Variants in TP53BP1 observed in about 807,000 individuals in gnomAD.
TP53BP1 encodes TP53-binding protein 1.
Under a neutral mutation model 200.8 loss-of-function variants are expected in TP53BP1, and 61 were observed. The ratio of observed to expected loss-of-function variants is 0.30; its 90% CI spans 0.25 to 0.38. TP53BP1 has a LOEUF of 0.38. Among genes scored for constraint, TP53BP1 ranks in the 10% least tolerant of loss-of-function variants. The pLI is 1.00. For synonymous variants in TP53BP1, 822 were observed against 844.3 expected, an observed-to-expected ratio of 0.97 and a Z score of 0.46; for missense variants, 2,144 against 2,371.9, an observed-to-expected ratio of 0.90 and a Z score of 2.00.
At chr15:43,483,727 G>A (rs2079007213) in intron 4 of TP53BP1, among the ~76,000 whole-genome samples, 1 of 152,150 alleles carries the variant, frequency 6.6e-6, no homozygotes, top group Non-Finnish European at 1.5e-5. Flanking sequence ...AATGACTTTG[G>A]GAAACAGAGG....
At chr15:43,450,045 C>T (rs1270680651) in intron 12 of TP53BP1, among the ~76,000 whole-genome samples, 3 of 152,140 alleles carry the variant, frequency 2.0e-5, no homozygotes, top group African/African-American at 4.8e-5. Flanking sequence ...TTTAGCAATC[C>T]TACATTCTTT....
chr15:43,448,705 A>C (rs2046098613), intron 12 of TP53BP1, among the ~76,000 whole-genome samples: 1 of 151,978 alleles, frequency 6.6e-6, no homozygotes, highest in Admixed American at 6.6e-5. Context: ...ACGCCCAGCT[A>C]ATTTTTTGTA....
At chr15:43,493,263 C>T (rs2079155086), upstream of TP53BP1, 4 of 1,413,820 alleles carry the variant, frequency 2.8e-6, no homozygotes, top group East Asian at 1.0e-4. Context: ...GTGCCCTGCC[C>T]CACGTAAGAA....
rs781674371 is a variant in TP53BP1 at position 43,432,637 on chromosome 15, C to T, written c.3232G>A (p.Glu1078Lys). Residue 1078 changes from glutamate (E) to lysine (K), a missense_variant, in exon 17 of 28, where the codon GAG becomes AAG. Coordinates refer to ENST00000382044, the MANE Select transcript of TP53BP1 (RefSeq NM_001141980.3). ...TGGTCACCCTCCAATTTTTCTTTCT[C>T]CTCTTCTCCTTGAGAACTTGGAAAG... The part of the protein sequence containing the change: ...LHFPSSQGEE[E>K]KEKLEGDHTI... The T allele has an allele frequency of 1.9e-6, 3 of 1,609,574 alleles. No homozygotes were observed. Among genetic ancestry groups the T allele is most frequent in the Non-Finnish European group, 2.5e-6 (3 of 1,176,758 alleles).
chr15:43,428,902 A>T (rs2045611412), intron 17 of TP53BP1, among the ~76,000 whole-genome samples: 1 of 152,232 alleles, frequency 6.6e-6, no homozygotes, highest in South Asian at 2.1e-4. Context: ...TTCAAAAAAC[A>T]TTAAGCAAAT....
At chr15:43,473,137 A>C (rs2046768229) in intron 10 of TP53BP1, among the ~76,000 whole-genome samples, 1 of 152,128 alleles carries the variant, frequency 6.6e-6, no homozygotes, top group Non-Finnish European at 1.5e-5. Context: ...GTGAAGCTAC[A>C]GACCTCGCAG....
chr15:43,477,075 C>A (rs978510306), intron 8 of TP53BP1, among the ~76,000 whole-genome samples: 2 of 152,018 alleles, frequency 1.3e-5, no homozygotes, highest in African/African-American at 2.4e-5. Flanking sequence ...CCAAGGCAGG[C>A]GGATCACAAG....
chr15:43,455,358 T>C (rs1012188464), intron 12 of TP53BP1, among the ~76,000 whole-genome samples: 2 of 152,090 alleles, frequency 1.3e-5, no homozygotes, highest in African/African-American at 4.8e-5. Context: ...TTTTACCAAC[T>C]AGTCCCGAGT....
At position 43,456,154 on chromosome 15, in the gene TP53BP1, T is replaced by C. The variant is rs1170136893; in HGVS notation, c.2454A>G (p.Glu818=). 6.2e-7 allele frequency: 1 copy of C among 1,614,216 alleles called. No individual in the cohort carries two copies. Among genetic ancestry groups the C allele is most frequent in the Admixed American group, 1.7e-5 (1 of 60,024 alleles). ...DTKEEKSVEY[E]GDLKSGTAET... The stretch of plus-strand genomic sequence containing the variant: ...CTGCAGTCCCTGATTTCAGATCTCC[T>C]TCATATTCTACACTCTTTTCTTCCT... The change falls in exon 12 of 28, where the codon GAA becomes GAG. Residue 818 remains glutamate (E), a synonymous_variant. Coordinates refer to ENST00000382044, the MANE Select transcript of TP53BP1 (RefSeq NM_001141980.3).
At chr15:43,422,520 A>C (rs918989468) in intron 18 of TP53BP1, among the ~76,000 whole-genome samples, 5 of 152,232 alleles carry the variant, frequency 3.3e-5, no homozygotes, top group African/African-American at 4.8e-5. Context: ...AGACGACAGA[A>C]GTAAATTCTT....
At chr15:43,463,781 G>A (rs1416944935) in intron 11 of TP53BP1, among the ~76,000 whole-genome samples, 1 of 152,124 alleles carries the variant, frequency 6.6e-6, no homozygotes, top group Admixed American at 6.5e-5. Context: ...CCTCTGCCCT[G>A]GAGAGAGTAA....
chr15:43,493,319 G>T, upstream of TP53BP1: 1 of 1,062,692 alleles, frequency 9.4e-7, no homozygotes, highest in Non-Finnish European at 1.3e-6. Context: ...GACGTTGCAG[G>T]CCCTCCCCTT....
chr15:43,415,276 C>G, intron 23 of TP53BP1: 3 of 329,244 alleles, frequency 9.1e-6, no homozygotes, highest in South Asian at 7.6e-5. Flanking sequence ...GGTGCAATTT[C>G]GGCTCACTGC....
chr15:43,492,985 G>A (rs1033214842), intron 1 of TP53BP1, 52 bp downstream of exon 1: 55 of 1,433,346 alleles, frequency 3.8e-5, no homozygotes, highest in Non-Finnish European at 4.8e-5. Flanking sequence ...CTTCAGACCC[G>A]AAATCCAGGC....
chr15:43,460,097 T>C (rs2046395063), intron 11 of TP53BP1, among the ~76,000 whole-genome samples: 2 of 152,198 alleles, frequency 1.3e-5, no homozygotes, highest in African/African-American at 4.8e-5. Flanking sequence ...CGTAAAATAA[T>C]TTTATTTTAT....
chr15:43,415,042 C>T (rs2142974618), intron 23 of TP53BP1, among the ~76,000 whole-genome samples: 1 of 152,040 alleles, frequency 6.6e-6, no homozygotes, highest in South Asian at 2.1e-4. Context: ...AGCTAGAGGG[C>T]CTAAGCACAA....
At position 43,477,751 on chromosome 15, in the gene TP53BP1, TC is replaced by T; in HGVS notation, c.796del (p.Asp266ThrfsTer157). ...EQNPPPARSE[D>X]MPFSPKASVA... ...AGATGCTTTGGGGCTAAAAGGCATG[TC>T]CTCTGACCTAGGAAATTCATATCAC... On this transcript the variant is annotated frameshift_variant, in exon 8 of 28. Coordinates refer to ENST00000382044, the MANE Select transcript of TP53BP1 (RefSeq NM_001141980.3). LOFTEE classifies it high-confidence loss of function. 2 of 1,578,262 alleles carry T rather than the reference TC, an allele frequency of 1.3e-6. No individual in the cohort carries two copies. Among genetic ancestry groups the T allele is most frequent in the Non-Finnish European group, 1.7e-6 (2 of 1,165,914 alleles).
Position 43,406,255 on chromosome 15 carries a change from GAAC to G in TP53BP1, c.*1125_*1127del, listed in dbSNP as rs1184526178. On this transcript the variant is annotated 3_prime_UTR_variant, in exon 28 of 28. Transcript: ENST00000382044. ...GTGTAAGTAAAAAGAAATATTCACTGAACAACGCCCTCCAAACTGAAAAAGAAT... is the reference window on the plus strand; with the variant it reads ...GTGTAAGTAAAAAGAAATATTCACTGAACGCCCTCCAAACTGAAAAAGAAT... The G allele has an allele frequency of 5.0e-6, 1 of 200,368 alleles. No homozygotes were observed. Among genetic ancestry groups the G allele is most frequent in the Non-Finnish European group, 1.0e-5 (1 of 97,590 alleles). The allele number at this position is 200,368 out of a possible 1,614,324, so 12.4% of individuals were successfully genotyped here.
Position 43,492,153 on chromosome 15 carries a change from C to T in TP53BP1, c.193-58G>A, listed in dbSNP as rs968193401. The T allele has an allele frequency of 1.7e-5, 25 of 1,509,110 alleles. No homozygotes were observed. The South Asian group carries it at 1.7e-4, about 10-fold the overall frequency. The allele number at this position is 1,509,110 out of a possible 1,614,324, so 93.5% of individuals were successfully genotyped here. ...TATATGAAATAGTTCAAAATGAAAC[C>T]TACTATTTGTGAACAATTTTTCCAA... On this transcript the variant is annotated intron_variant, in intron 2 of 27. Coordinates refer to ENST00000382044, the MANE Select transcript of TP53BP1 (RefSeq NM_001141980.3).
Sources: allele counts gnomAD v4.1 joint callset (sites outside exome capture counted in the v4.1 genomes callset), GRCh38; gene constraint gnomAD v4.1.1; transcripts MANE v1.5; gene names NCBI Gene and HGNC (gene_info 2026-07-23, HGNC 2026-07-21).